The following SGK3 variants were observed in gnomAD, a reference collection of about 807,000 sequenced individuals.
SGK3 encodes serine/threonine-protein kinase Sgk3.
SGK3 carries 47 observed loss-of-function variants against 68.5 expected under a neutral mutation model. The observed-to-expected ratio is 0.69, with a 90% CI of 0.54 to 0.87. The LOEUF (loss-of-function observed/expected upper bound fraction) is 0.87, where lower values mean the gene tolerates loss of function less well. Among genes scored for constraint, SGK3 ranks in the 40% least tolerant of loss-of-function variants. SGK3 has a pLI of 0.00. For missense variants in SGK3, 479 were observed against 575.5 expected, an observed-to-expected ratio of 0.83 and a Z score of 1.72; for synonymous variants, 181 against 189.1, an observed-to-expected ratio of 0.96 and a Z score of 0.35.
chr8:66,745,357 G>A (rs1365050853), intron 1 of SGK3, among the ~76,000 whole-genome samples: 3 of 152,016 alleles, frequency 2.0e-5, no homozygotes, highest in Non-Finnish European at 2.9e-5. Context: ...GGATCACGAG[G>A]TCAGGAGATC....
intron 1 of SGK3, among the ~76,000 whole-genome samples, chr8:66,743,786 T>G (rs1198156571): frequency 2.0e-5 from 3 of 152,278 alleles, no homozygotes; most frequent in Non-Finnish European, 4.4e-5. Flanking sequence ...GTGCTGAGAT[T>G]ACAGGCGTGA....
intron 1 of SGK3, among the ~76,000 whole-genome samples, chr8:66,768,320 A>G (rs1402670183): frequency 1.3e-5 from 2 of 151,760 alleles, no homozygotes; most frequent in Non-Finnish European, 2.9e-5. Context: ...ATTTCTTAGT[A>G]GATCTTTATT....
intron 1 of SGK3, among the ~76,000 whole-genome samples, chr8:66,764,635 A>AT (rs572170040): frequency 4.6e-5 from 7 of 151,148 alleles, no homozygotes; most frequent in South Asian, 4.2e-4. Flanking sequence ...CGCCTGGCTA[A>AT]TTTTTTTTTG....
rs768489663 is a variant in SGK3 at position 66,847,188 on chromosome 8, T to C, written c.1075-5T>C. The C allele has an allele frequency of 1.5e-5, 24 of 1,584,644 alleles. No individual in the cohort carries two copies. The highest frequency in any genetic ancestry group is 4.7e-5 in the South Asian group (4 of 85,438). On this transcript the variant is annotated splice_region_variant and splice_polypyrimidine_tract_variant and intron_variant, in intron 14 of 16. Coordinates refer to ENST00000521198, the MANE Select transcript of SGK3 (RefSeq NM_001033578.3). ...TAAGTTTATTTTGCTTTTTTTTTTT[T>C]CCAGCCTCCTTTTTATTGCCGAGAT...
In SGK3 at chr8:66,793,799, C is replaced by T. The variant is rs1296578666; in HGVS notation, c.63C>T (p.Ser21=). ...GCCCAAGTGTAAGCATTCCCAGCTCCGATGAACACAGAGAGAAAAAGAAGA... is the reference window on the plus strand; with the variant it reads ...GCCCAAGTGTAAGCATTCCCAGCTCTGATGAACACAGAGAGAAAAAGAAGA... ...ESCPSVSIPS[S]DEHREKKKRF... The change falls in exon 2 of 17, where the codon TCC becomes TCT. Residue 21 remains serine (S), a synonymous_variant. Coordinates refer to ENST00000521198, the MANE Select transcript of SGK3 (RefSeq NM_001033578.3). 3 of 1,613,084 alleles carry T rather than the reference C, an allele frequency of 1.9e-6. No homozygotes were observed. Among genetic ancestry groups the T allele is most frequent in the East Asian group, 2.2e-5 (1 of 44,810 alleles).
Position 66,840,266 on chromosome 8 carries a change from A to C in SGK3, c.891+19A>C, listed in dbSNP as rs1809746506. 1 of 1,556,436 alleles carries C rather than the reference A, an allele frequency of 6.4e-7. No homozygotes were observed. The highest frequency in any genetic ancestry group is 2.3e-5 in the East Asian group (1 of 44,116). ...TTCAGTAGTAAGTATTCTCTTTTAA[A>C]AATCTACTAGTTCTCAATTTTTGTT... is the stretch of plus-strand genomic sequence containing the variant. On this transcript the variant is annotated intron_variant, in intron 12 of 16. Transcript: ENST00000521198.
At chr8:66,751,859 G>A (rs6999049) in intron 1 of SGK3, among the ~76,000 whole-genome samples, 51,438 of 151,646 alleles carry the variant, frequency 0.34, 8,923 homozygotes, top group Non-Finnish European at 0.38. Flanking sequence ...TCCGACTCCC[G>A]GGTTCAAGCA....
At chr8:66,724,520 G>A (rs1804921684) in intron 1 of SGK3, among the ~76,000 whole-genome samples, 2 of 152,176 alleles carry the variant, frequency 1.3e-5, no homozygotes, top group South Asian at 4.1e-4. Flanking sequence ...AGGTTGCAGT[G>A]AGCTGAGATC....
At chr8:66,757,272 C>T (rs1806007654) in intron 1 of SGK3, among the ~76,000 whole-genome samples, 1 of 151,900 alleles carries the variant, frequency 6.6e-6, no homozygotes, top group Non-Finnish European at 1.5e-5. Flanking sequence ...GCTGGGACTA[C>T]AGGCATGTAC....
At chr8:66,712,878 A>T (rs1425527464) in intron 1 of SGK3, 45 bp downstream of exon 1, 1 of 151,446 alleles carries the variant, frequency 6.6e-6, no homozygotes, top group Non-Finnish European at 1.5e-5. Context: ...CGGGACTCCG[A>T]CGGCGGCCCG....
chr8:66,822,529 C>A, intron 6 of SGK3, 70 bp downstream of exon 6: 4 of 1,443,440 alleles, frequency 2.8e-6, no homozygotes, highest in East Asian at 2.3e-5. Context: ...GGCTTTAGGA[C>A]ACTTACTTCA....
chr8:66,830,179 T>C (rs149886830), intron 7 of SGK3, among the ~76,000 whole-genome samples: 5 of 152,280 alleles, frequency 3.3e-5, no homozygotes, highest in African/African-American at 9.6e-5. Context: ...TGCCTGAAGT[T>C]AAGGTTCATC....
chr8:66,811,395 TA>T (rs957088887), intron 4 of SGK3, among the ~76,000 whole-genome samples: 3 of 152,210 alleles, frequency 2.0e-5, no homozygotes, highest in Admixed American at 6.5e-5. Context: ...GAGAGATTTT[TA>T]AAAATACATA....
chr8:66,803,921 G>A (rs967429671), intron 3 of SGK3, among the ~76,000 whole-genome samples: 2 of 152,018 alleles, frequency 1.3e-5, no homozygotes, highest in Non-Finnish European at 2.9e-5. Flanking sequence ...AAATTCATCT[G>A]CTTTCTTAGA....
At chr8:66,804,640 A>T (rs751301011) in intron 4 of SGK3, among the ~76,000 whole-genome samples, 193 bp downstream of exon 4, 2 of 152,208 alleles carry the variant, frequency 1.3e-5, no homozygotes, top group Non-Finnish European at 2.9e-5. Flanking sequence ...AATTCATTCG[A>T]TCCTGACAAC....
intron 4 of SGK3, among the ~76,000 whole-genome samples, chr8:66,807,489 T>C (rs1421448610): frequency 6.6e-6 from 1 of 152,208 alleles, no homozygotes; most frequent in Non-Finnish European, 1.5e-5. Context: ...ACTGATTTTT[T>C]TGAAGAGCTG....
chr8:66,840,927 G>A, intron 12 of SGK3, 97 bp from the exon 13 acceptor site: 2 of 850,388 alleles, frequency 2.4e-6, no homozygotes, highest in Non-Finnish European at 3.4e-6. Flanking sequence ...GGGCAACAGA[G>A]TAAGACTCTG....
At chr8:66,826,134 A>C (rs76337838) in intron 6 of SGK3, among the ~76,000 whole-genome samples, 3,103 of 152,012 alleles carry the variant, frequency 0.02, 108 homozygotes, top group African/African-American at 0.069. Flanking sequence ...CACCACGCCA[A>C]GCTAATTTTT....
intron 15 of SGK3, among the ~76,000 whole-genome samples, chr8:66,850,101 A>G (rs1290222242): frequency 6.6e-6 from 1 of 152,134 alleles, no homozygotes; most frequent in African/African-American, 2.4e-5. Flanking sequence ...CACTGCAGCC[A>G]TATTGGACTC....
Sources: gnomAD v4.1 joint callset for allele counts (sites outside exome capture counted in the v4.1 genomes callset) on GRCh38, gnomAD v4.1.1 for gene constraint, MANE v1.5 for transcripts, NCBI Gene and HGNC (gene_info 2026-07-23, HGNC 2026-07-21) for gene names.